Variants in BTNL8 observed in about 807,000 individuals in gnomAD.
BTNL8 encodes butyrophilin-like protein 8.
Under a neutral mutation model 36.1 loss-of-function variants are expected in BTNL8, and 22 were observed. The ratio of observed to expected loss-of-function variants is 0.61; its 90% confidence interval spans 0.44 to 0.87. The LOEUF is 0.87. BTNL8 is among the 40% of genes least tolerant of loss of function. The probability of loss-of-function intolerance (pLI) is 0.00; values close to 1 mark genes in which losing one functional copy is unlikely to be tolerated. For missense variants in BTNL8, 526 were observed against 616.9 expected (o/e 0.85, Z 1.56); for synonymous variants, 203 against 235.6 (o/e 0.86, Z 1.27).
At chr5:180,907,820 T>C (rs1313192754) in intron 1 of BTNL8, among the ~76,000 whole-genome samples, 4 of 151,450 alleles carry the variant, frequency 2.6e-5, no homozygotes, top group Non-Finnish European at 4.4e-5. Context: ...TGCCTCCCAG[T>C]TAGGCTGCTC....
At chr5:180,918,185 A>G (rs1757727746) in intron 3 of BTNL8, among the ~76,000 whole-genome samples, 1 of 152,160 alleles carries the variant, frequency 6.6e-6, no homozygotes, top group African/African-American at 2.4e-5. Context: ...CATAAAAAAG[A>G]AGAAAATTAC....
chr5:180,918,871 A>C (rs1757754341), intron 3 of BTNL8, among the ~76,000 whole-genome samples: 1 of 152,200 alleles, frequency 6.6e-6, no homozygotes, highest in Non-Finnish European at 1.5e-5. Flanking sequence ...AGATTAGGAT[A>C]GGGGGTTGTG....
intron 1 of BTNL8, among the ~76,000 whole-genome samples, chr5:180,908,158 G>A (rs570521027): frequency 6.6e-6 from 1 of 152,316 alleles, no homozygotes; most frequent in East Asian, 1.9e-4. Context: ...CTAGCAATCA[G>A]CGAGACTCTG....
intron 3 of BTNL8, among the ~76,000 whole-genome samples, chr5:180,931,238 G>A (rs1758359421): frequency 2.0e-5 from 3 of 152,084 alleles, no homozygotes; most frequent in South Asian, 4.1e-4. Context: ...AAATGGTGTT[G>A]GGAAAACTGG....
intron 1 of BTNL8, 111 bp from the exon 2 acceptor site, chr5:180,908,475 G>C (rs140794153): frequency 1.4e-5 from 14 of 1,009,394 alleles, no homozygotes; most frequent in Non-Finnish European, 1.6e-5. Flanking sequence ...CATGTTCTGC[G>C]TCGCTCACTC....
At chr5:180,930,562 C>T (rs779076149) in intron 3 of BTNL8, among the ~76,000 whole-genome samples, 8 of 152,160 alleles carry the variant, frequency 5.3e-5, no homozygotes, top group African/African-American at 1.4e-4. Context: ...TAGAAAACCC[C>T]GGTGTCTCAG....
chr5:180,924,575 CAACT>C (rs761215915), intron 3 of BTNL8, among the ~76,000 whole-genome samples: 9 of 152,294 alleles, frequency 5.9e-5, no homozygotes, highest in Non-Finnish European at 1.2e-4. Context: ...TGGCCCAGCC[CAACT>C]AGAGAACCCA....
At chr5:180,908,548 G>C (rs1403406722) in intron 1 of BTNL8, 38 bp from the exon 2 acceptor site, 5 of 1,598,326 alleles carry the variant, frequency 3.1e-6, no homozygotes, top group African/African-American at 1.3e-5. Context: ...TCACTACAAA[G>C]GGTTTTGATG....
intron 3 of BTNL8, among the ~76,000 whole-genome samples, chr5:180,930,877 C>T (rs956983279): frequency 1.8e-4 from 27 of 152,120 alleles, no homozygotes; most frequent in African/African-American, 6.5e-4. Flanking sequence ...ATGAAAATGG[C>T]CATACTGCCC....
chr5:180,928,471 C>T (rs532148105), intron 3 of BTNL8, among the ~76,000 whole-genome samples: 67 of 152,112 alleles, frequency 4.4e-4, no homozygotes, highest in Admixed American at 6.5e-4. Context: ...ACAATATTAA[C>T]CTTAAATGTA....
At chr5:180,933,225 C>A (rs1416685281) in intron 3 of BTNL8, among the ~76,000 whole-genome samples, 1 of 152,092 alleles carries the variant, frequency 6.6e-6, no homozygotes, top group Non-Finnish European at 1.5e-5. Context: ...AACCTCAAAT[C>A]CCACTTTCAG....
chr5:180,909,776 G>T (rs1582015609), intron 2 of BTNL8: 1 of 178,352 alleles, frequency 5.6e-6, no homozygotes, highest in Non-Finnish European at 1.1e-5. Flanking sequence ...GTTTACAGTT[G>T]TTGCCGTGTG....
chr5:180,938,759 G>A (rs1240929597), intron 3 of BTNL8, among the ~76,000 whole-genome samples: 3 of 151,926 alleles, frequency 2.0e-5, no homozygotes, highest in Non-Finnish European at 2.9e-5. Context: ...GATGGTAACA[G>A]CAGATTTCTT....
At chr5:180,920,053 C>T (rs181701506) in intron 3 of BTNL8, among the ~76,000 whole-genome samples, 1 of 152,118 alleles carries the variant, frequency 6.6e-6, no homozygotes, top group Admixed American at 6.5e-5. Flanking sequence ...ACAAAAGACC[C>T]TGAATAGCCA....
intron 3 of BTNL8, among the ~76,000 whole-genome samples, chr5:180,945,301 G>C (rs887628440): frequency 6.6e-6 from 1 of 152,198 alleles, no homozygotes. Flanking sequence ...CTCACACCAT[G>C]TACAAAAACG....
At chr5:180,934,807 T>G (rs1466437021) in intron 3 of BTNL8, among the ~76,000 whole-genome samples, 3 of 152,166 alleles carry the variant, frequency 2.0e-5, no homozygotes, top group East Asian at 3.9e-4. Flanking sequence ...TCTTCTCTCC[T>G]TCTCATTGTC....
chr5:180,932,125 G>T (rs1284308168), intron 3 of BTNL8, among the ~76,000 whole-genome samples: 2 of 152,024 alleles, frequency 1.3e-5, no homozygotes, highest in African/African-American at 4.8e-5. Flanking sequence ...ATACTATGCA[G>T]CCATAAACAA....
At chr5:180,944,062 C>T (rs1029088596) in intron 3 of BTNL8, among the ~76,000 whole-genome samples, 1 of 152,036 alleles carries the variant, frequency 6.6e-6, no homozygotes, top group Non-Finnish European at 1.5e-5. Flanking sequence ...GTAAATTAAG[C>T]CAGACACAGA....
chr5:180,950,247 C>A lies in BTNL8; in HGVS notation c.1206C>A (p.Thr402=), dbSNP rs757775137. Residue 402 remains threonine, a synonymous_variant, in exon 8 of 8, where the codon ACC becomes ACA. Transcript: ENST00000340184. Reference sequence around the variant, plus strand: ...GTTTTATCAGCGTCTTCCCCAGGACCCCACCTACAAAAATAGGGGTCTTCC... The same window carrying A: ...GTTTTATCAGCGTCTTCCCCAGGACACCACCTACAAAAATAGGGGTCTTCC... ...NPRFISVFPR[T]PPTKIGVFLD... 19 of 1,463,144 alleles carry A rather than the reference C, an allele frequency of 1.3e-5. 6 individuals are homozygous for A. Among genetic ancestry groups the A allele is most frequent in the Non-Finnish European group, 1.8e-5 (19 of 1,058,886 alleles). The allele number at this position is 1,463,144 out of a possible 1,614,324, so 90.6% of individuals were successfully genotyped here.
Sources: gnomAD v4.1 joint callset for allele counts (sites outside exome capture counted in the v4.1 genomes callset) on GRCh38, gnomAD v4.1.1 for gene constraint, MANE v1.5 for transcripts, NCBI Gene and HGNC (gene_info 2026-07-23, HGNC 2026-07-21) for gene names.